The following PLB1 variants were observed in gnomAD, a reference collection of about 807,000 sequenced individuals.
PLB1 encodes the protein phospholipase B1, membrane-associated.
Under a neutral mutation model 227.4 loss-of-function variants are expected in PLB1, and 242 were observed. The observed-to-expected ratio is 1.06, with a 90% CI of 0.96 to 1.18. PLB1 has a LOEUF of 1.18. Among genes scored for constraint, PLB1 ranks in the 50% most tolerant of loss-of-function variants. The pLI, the probability that PLB1 is intolerant of heterozygous loss-of-function variation, is 0.00. For synonymous variants in PLB1, 757 were observed against 682.2 expected, an observed-to-expected ratio of 1.11 and a Z score of -1.71; for missense variants, 1,858 against 1,816.3, an observed-to-expected ratio of 1.02 and a Z score of -0.42.
chr2:28,539,079 C>G lies in PLB1; in HGVS notation c.619-20C>G, dbSNP rs745987012. ...GGCGACTTGGCAAATACTCACCTCC[C>G]TCTCTGTGTGTCCTCCTAGGTCCCC... On this transcript the variant is annotated intron_variant, in intron 10 of 57. Transcript: ENST00000327757. The G allele has an allele frequency of 1.9e-6, 3 of 1,600,412 alleles. No individual in the cohort carries two copies. Among genetic ancestry groups the G allele is most frequent in the Non-Finnish European group, 1.7e-6 (2 of 1,167,358 alleles).
chr2:28,566,965 G>A (rs895359565), intron 20 of PLB1, 126 bp downstream of exon 20: 11 of 1,110,842 alleles, frequency 9.9e-6, no homozygotes, highest in African/African-American at 1.5e-5. Context: ...ATTCACCAGG[G>A]GGCGCTGCCT....
In PLB1 at chr2:28,590,073, C is replaced by A. The variant is rs765696777; in HGVS notation, c.2085C>A (p.Asn695Lys). The part of the protein sequence containing the change: ...FENKINITCP[N>K]QVQPFLRTYK... ...ACAAGATCAATATCACATGTCCGAA[C>A]CAGGTAGAGTGGAAAGCACGTCCTT... The change falls in exon 29 of 58, where the codon AAC (asparagine) becomes AAA (lysine). Residue 695 changes from asparagine (N) to lysine (K), a missense_variant. Coordinates refer to ENST00000327757, the MANE Select transcript of PLB1 (RefSeq NM_153021.5). 3 of 1,611,120 alleles carry A rather than the reference C, an allele frequency of 1.9e-6. No individual in the cohort carries two copies. The East Asian group carries it at 6.7e-5, about 36-fold the overall frequency.
chr2:28,527,989 T>A (rs1670496717), intron 6 of PLB1, among the ~76,000 whole-genome samples: 1 of 152,120 alleles, frequency 6.6e-6, no homozygotes, highest in African/African-American at 2.4e-5. Context: ...GCTCAGAACT[T>A]TCCCCGCTTT....
chr2:28,526,818 T>C (rs1670321793), intron 6 of PLB1, among the ~76,000 whole-genome samples: 1 of 152,152 alleles, frequency 6.6e-6, no homozygotes, highest in African/African-American at 2.4e-5. Context: ...GGCCCATGAA[T>C]TGTTAGGTTC....
At chr2:28,529,983 T>G (rs1055320876) in intron 8 of PLB1, among the ~76,000 whole-genome samples, 1 of 152,152 alleles carries the variant, frequency 6.6e-6, no homozygotes, top group African/African-American at 2.4e-5. Flanking sequence ...TTATTTTTAT[T>G]TATTTATTTA....
chr2:28,580,620 G>A (rs1267999464), intron 23 of PLB1, among the ~76,000 whole-genome samples: 3 of 152,040 alleles, frequency 2.0e-5, no homozygotes, highest in Non-Finnish European at 2.9e-5. Flanking sequence ...AGGCTGAGGC[G>A]GAAGAATCGC....
chr2:28,621,099 G>A, intron 49 of PLB1, 121 bp downstream of exon 49: 2 of 760,316 alleles, frequency 2.6e-6, no homozygotes, highest in Non-Finnish European at 4.3e-6. Context: ...CAGCTGTGCA[G>A]GACTTTCTAT....
intron 9 of PLB1, among the ~76,000 whole-genome samples, chr2:28,532,844 A>T (rs561144727): frequency 5.3e-5 from 8 of 152,348 alleles, no homozygotes; most frequent in African/African-American, 1.7e-4. Context: ...TGGAAACAGG[A>T]CATGAAGCGT....
At chr2:28,587,990 C>T (rs1295255271) in intron 26 of PLB1, among the ~76,000 whole-genome samples, 1 of 152,066 alleles carries the variant, frequency 6.6e-6, no homozygotes, top group Non-Finnish European at 1.5e-5. Context: ...TGATCCTGGT[C>T]GTCACTGAGG....
At chr2:28,511,327 A>G (rs2148167408) in intron 1 of PLB1, among the ~76,000 whole-genome samples, 1 of 152,298 alleles carries the variant, frequency 6.6e-6, no homozygotes, top group East Asian at 1.9e-4. Flanking sequence ...TGACACTTTA[A>G]AAATTTAAGA....
intron 4 of PLB1, among the ~76,000 whole-genome samples, chr2:28,520,841 C>T (rs1046435402): frequency 1.3e-5 from 2 of 151,960 alleles, no homozygotes; most frequent in African/African-American, 4.8e-5. Flanking sequence ...CGGGCATGGT[C>T]GTGGGCACCT....
At chr2:28,568,351 C>T (rs1677412273) in intron 20 of PLB1, among the ~76,000 whole-genome samples, 1 of 152,186 alleles carries the variant, frequency 6.6e-6, no homozygotes, top group South Asian at 2.1e-4. Flanking sequence ...ACCTCTTTCA[C>T]CAAAGTAATT....
chr2:28,629,461 G>A (rs1208838775), intron 53 of PLB1, among the ~76,000 whole-genome samples: 2 of 152,238 alleles, frequency 1.3e-5, no homozygotes, highest in Non-Finnish European at 2.9e-5. Context: ...TGATTGCCAA[G>A]GCAAACCTTG....
chr2:28,566,937 G>T, intron 20 of PLB1, 98 bp downstream of exon 20: 2 of 1,394,318 alleles, frequency 1.4e-6, no homozygotes, highest in Non-Finnish European at 2.0e-6. Context: ...AGGAGCCCCG[G>T]CTGCAGGAGC....
chr2:28,638,076 G>A (rs1216190193), intron 56 of PLB1, among the ~76,000 whole-genome samples: 1 of 152,026 alleles, frequency 6.6e-6, no homozygotes, highest in African/African-American at 2.4e-5. Flanking sequence ...GCTAGGTACT[G>A]CTCCAGGTGC....
rs1255103993 is a variant in PLB1 at position 28,588,893 on chromosome 2, C to T, written c.1816-557C>T. 3.3e-5 allele frequency among the ~76,000 whole-genome samples: 5 copies of T among 152,226 alleles called. No individual in the cohort carries two copies. In the South Asian group the frequency reaches 6.2e-4, roughly 19 times the overall value. ...TAAAAGAAGTCAAGCTGGCCAGGCG[C>T]GGTGGCTCGCACCTGTAATCCCAGC... is the stretch of plus-strand genomic sequence containing the variant. On this transcript the variant is annotated intron_variant, in intron 26 of 57. Transcript: ENST00000327757.
chr2:28,582,186 A>T (rs1374361007), intron 24 of PLB1, 53 bp downstream of exon 24: 3 of 1,573,750 alleles, frequency 1.9e-6, no homozygotes, highest in African/African-American at 1.4e-5. Flanking sequence ...CCTAGCCTAG[A>T]GGAAGCTCTG....
At chr2:28,636,719 A>T (rs2148348875) in intron 56 of PLB1, among the ~76,000 whole-genome samples, 2 of 152,270 alleles carry the variant, frequency 1.3e-5, no homozygotes, top group South Asian at 4.1e-4. Flanking sequence ...GGGAAGAGGG[A>T]GGCCTCACTG....
chr2:28,581,499 AAAT>A (rs1679980375), intron 23 of PLB1, among the ~76,000 whole-genome samples: 1 of 98,394 alleles, frequency 1.0e-5, no homozygotes, highest in African/African-American at 5.0e-5. Context: ...ATAAATAAAT[AAAT>A]AAATAAATAA....
Sources: allele counts gnomAD v4.1 joint callset (sites outside exome capture counted in the v4.1 genomes callset), GRCh38; gene constraint gnomAD v4.1.1; transcripts MANE v1.5; gene names NCBI Gene and HGNC (gene_info 2026-07-23, HGNC 2026-07-21).